The following BDNF variants were observed in gnomAD, a reference collection of about 807,000 sequenced individuals.
BDNF encodes neurotrophic factor BDNF precursor form.
A neutral mutation model predicts 19.5 loss-of-function variants in BDNF; 1 was observed. The ratio of observed to expected loss-of-function variants is 0.05; its 90% CI spans 0.02 to 0.24. BDNF has a LOEUF of 0.24. Among genes scored for constraint, BDNF ranks in the 10% least tolerant of loss-of-function variants. The pLI is 1.00. For synonymous variants in BDNF, 100 were observed against 121.6 expected, an observed-to-expected ratio of 0.82 and a Z score of 1.17; for missense variants, 195 against 317.6, an observed-to-expected ratio of 0.61 and a Z score of 2.93.
chr11:27,681,013 A>T (rs568049536), intron 1 of BDNF, among the ~76,000 whole-genome samples: 4 of 152,356 alleles, frequency 2.6e-5, no homozygotes, highest in South Asian at 4.1e-4. Context: ...CATCCATCAG[A>T]TTAACCTCTC....
At chr11:27,660,266 AC>A in intron 1 of BDNF, 1 of 1,256,580 alleles carries the variant, frequency 8.0e-7, no homozygotes, top group Non-Finnish European at 1.0e-6. Flanking sequence ...AGACTTTATT[AC>A]CATCCCTAAA....
rs56730757 is a variant in BDNF at position 27,717,860 on chromosome 11, A to AGTGTGTGTGT, written c.3+3542_3+3551dup. 5.2e-3 allele frequency among the ~76,000 whole-genome samples: 768 copies of AGTGTGTGTGT among 147,566 alleles called. 4 individuals are homozygous for AGTGTGTGTGT. Among genetic ancestry groups the AGTGTGTGTGT allele is most frequent in the South Asian group, 0.021 (99 of 4,606 alleles). The stretch of plus-strand genomic sequence containing the variant: ...TGAAACCATGTCATCTTACAAGTTG[A>AGTGTGTGTGT]GTGTGTGTGTGTGTGTGTGTGTGTG... On this transcript the variant is annotated intron_variant, in intron 1 of 1. Coordinates refer to the BDNF transcript ENST00000314915.
In BDNF at chr11:27,656,712, C is replaced by A. The variant is rs1323553424; in HGVS notation, c.*1109G>T. ...GCTTACAAGACATTGTTAAGCCTCA[C>A]CATGAGTTTTTTTTAAGCTTAGCCA... On this transcript the variant is annotated 3_prime_UTR_variant, in exon 2 of 2. Coordinates refer to ENST00000356660, the MANE Select transcript of BDNF (RefSeq NM_001709.5). 1.0e-6 allele frequency: 1 copy of A among 985,246 alleles called. No individual in the cohort carries two copies. Among genetic ancestry groups the A allele is most frequent in the African/African-American group, 1.7e-5 (1 of 57,168 alleles). The allele number at this position is 985,246 out of a possible 1,614,324, so 61.0% of individuals were successfully genotyped here. A position where few individuals can be genotyped will look rare whatever the true frequency, so the allele number is the denominator to read the frequency against.
intron 1 of BDNF, among the ~76,000 whole-genome samples, chr11:27,682,507 C>T (rs1236061653): frequency 6.6e-6 from 1 of 151,820 alleles, no homozygotes. Flanking sequence ...TTGCTGCACT[C>T]ATCAACTTGT....
intron 1 of BDNF, among the ~76,000 whole-genome samples, chr11:27,669,957 C>G (rs963872047): frequency 6.6e-6 from 1 of 152,156 alleles, no homozygotes; most frequent in African/African-American, 2.4e-5. Flanking sequence ...CCAAGACAAT[C>G]CTAAACCAAA....
rs1470578474 is a variant in BDNF, at chr11:27,674,521, C to A, written c.-21-15936G>T. On this transcript the variant is annotated intron_variant, in intron 1 of 1. Transcript: ENST00000356660. ...CCTGTGCATAATGAGCCATGTGGAC[C>A]CTATTCAAGAAACTGGCTGTACTCC... 8.1e-6 allele frequency: 8 copies of A among 984,938 alleles called. 1 individual carries two copies. The Admixed American group carries it at 4.9e-4, about 61-fold the overall frequency. The allele number at this position is 984,938 out of a possible 1,614,324, so 61.0% of individuals were successfully genotyped here.
At chr11:27,720,157 CT>C (rs910359248) in intron 1 of BDNF, among the ~76,000 whole-genome samples, 2 of 151,972 alleles carry the variant, frequency 1.3e-5, no homozygotes, top group African/African-American at 2.4e-5. Flanking sequence ...GACTGAGTTT[CT>C]TTTTTTTCTT....
At chr11:27,685,224 T>C (rs1485837696) in intron 1 of BDNF, among the ~76,000 whole-genome samples, 3 of 152,230 alleles carry the variant, frequency 2.0e-5, no homozygotes, top group Admixed American at 6.5e-5. Flanking sequence ...ATTGTATTTT[T>C]GTGGGATCAG....
intron 1 of BDNF, among the ~76,000 whole-genome samples, chr11:27,688,569 G>A (rs1171560234): frequency 2.0e-5 from 3 of 152,182 alleles, no homozygotes; most frequent in Non-Finnish European, 2.9e-5. Context: ...CTGGTCTGCC[G>A]GCTGCAAAGA....
At chr11:27,669,563 A>G (rs977117924) in intron 1 of BDNF, among the ~76,000 whole-genome samples, 30 of 152,332 alleles carry the variant, frequency 2.0e-4, no homozygotes, top group Admixed American at 1.6e-3. Flanking sequence ...GCAAAGTCTC[A>G]GGATACAAAA....
At chr11:27,667,238 G>A (rs1480548625) in intron 1 of BDNF, among the ~76,000 whole-genome samples, 1 of 152,040 alleles carries the variant, frequency 6.6e-6, no homozygotes. Context: ...GTCACCACCA[G>A]GCCTGCCTTA....
Position 27,672,127 on chromosome 11 carries a change from T to C in BDNF, c.-21-13542A>G, listed in dbSNP as rs373217902. ...TTTACTTAAGTAAAATCTGGGCTCC[T>C]TTTATGTCAACTAGCTTTTCCACTA... is the stretch of plus-strand genomic sequence containing the variant. On this transcript the variant is annotated intron_variant, in intron 1 of 1. Coordinates refer to ENST00000356660, the MANE Select transcript of BDNF (RefSeq NM_001709.5). Among the ~76,000 whole-genome samples the C allele has an allele frequency of 7.0e-4, 106 of 152,296 alleles. 5 individuals carry two copies. The South Asian group carries it at 0.022, about 31-fold the overall frequency.
chr11:27,721,761 C>A (rs1284431923), exon 1 of BDNF: 1 of 396,218 alleles, frequency 2.5e-6, no homozygotes, highest in Non-Finnish European at 4.6e-6. Context: ...AACTGCCCTG[C>A]TATGTAGCAG....
At chr11:27,699,604 C>T (rs914875179) in intron 1 of BDNF, 32 of 1,469,584 alleles carry the variant, frequency 2.2e-5, no homozygotes, top group Non-Finnish European at 2.7e-5. Context: ...GTTTTCCAAG[C>T]TACATTGGCT....
intron 1 of BDNF, among the ~76,000 whole-genome samples, chr11:27,678,669 G>C (rs779334240): frequency 6.6e-6 from 1 of 152,174 alleles, no homozygotes; most frequent in Non-Finnish European, 1.5e-5. Flanking sequence ...ACATGTGTCT[G>C]TCATACACAG....
At chr11:27,677,831 G>A (rs1856365030) in intron 1 of BDNF, 1 of 152,078 alleles carries the variant, frequency 6.6e-6, no homozygotes, top group South Asian at 2.1e-4. Context: ...CTTTACTTTT[G>A]ACACAAGACA....
intron 1 of BDNF, among the ~76,000 whole-genome samples, chr11:27,718,744 C>T (rs941518451): frequency 1.3e-5 from 2 of 152,016 alleles, no homozygotes; most frequent in Admixed American, 1.3e-4. Flanking sequence ...TTTATCTTTT[C>T]CTTCTGAATT....
chr11:27,718,726 G>A (rs1860627094), intron 1 of BDNF, among the ~76,000 whole-genome samples: 1 of 151,840 alleles, frequency 6.6e-6, no homozygotes, highest in South Asian at 2.1e-4. Flanking sequence ...TGATCCTAGC[G>A]CCTGTTTTTT....
intron 1 of BDNF, chr11:27,674,902 C>A (rs1216049770): frequency 1.1e-6 from 1 of 895,700 alleles, no homozygotes; most frequent in Non-Finnish European, 1.3e-6. Context: ...TAAAATGTTT[C>A]TCTTTGTATT....
Sources: allele counts gnomAD v4.1 joint callset (sites outside exome capture counted in the v4.1 genomes callset), GRCh38; gene constraint gnomAD v4.1.1; transcripts MANE v1.5; gene names NCBI Gene and HGNC (gene_info 2026-07-23, HGNC 2026-07-21).